The following IQSEC2 variants were observed in gnomAD, a reference collection of about 807,000 sequenced individuals.
The protein encoded by IQSEC2 is IQ motif and SEC7 domain-containing protein 2.
In IQSEC2, 6 loss-of-function variants were observed where a neutral mutation model predicts 74.6. The ratio of observed to expected loss-of-function variants is 0.08; its 90% CI spans 0.04 to 0.16. The LOEUF is 0.16. Among genes scored for constraint, IQSEC2 ranks in the 10% least tolerant of loss-of-function variants. IQSEC2 has a pLI of 1.00. For synonymous variants in IQSEC2, 494 were observed against 544.5 expected, an observed-to-expected ratio of 0.91 and a Z score of 1.29; for missense variants, 734 against 1,306.2, an observed-to-expected ratio of 0.56 and a Z score of 6.75.
Position 53,236,387 on chromosome X carries a change from T to G in IQSEC2, c.3386A>C (p.Tyr1129Ser). The change falls in exon 13 of 15, where the codon TAC (tyrosine) becomes TCC (serine). Residue 1129 changes from tyrosine (Y) to serine (S), a missense_variant. By Grantham distance (144) the Tyr-to-Ser change is moderately radical (BLOSUM62 -2). Coordinates refer to ENST00000642864, the MANE Select transcript of IQSEC2 (RefSeq NM_001111125.3). Reference sequence around the variant, plus strand: ...CCGTTTGAGCCCATCGCCTGCCCCGTAAGTGTCCTCCAGGCTACTGCGGGC... The same window carrying G: ...CCGTTTGAGCCCATCGCCTGCCCCGGAAGTGTCCTCCAGGCTACTGCGGGC... ...TMARSSLEDT[Y>S]GAGDGLKRGA... 1 of 1,208,546 alleles carries G rather than the reference T, an allele frequency of 8.3e-7. No homozygotes were observed. The highest frequency in any genetic ancestry group is 3.0e-5 in the East Asian group (1 of 33,724).
At chrX:53,248,001 TC>T in intron 7 of IQSEC2, 112 bp downstream of exon 7, 23 of 932,950 alleles carry the variant, frequency 2.5e-5, no homozygotes, top group Non-Finnish European at 6.1e-6. Flanking sequence ...GGATTTATCA[TC>T]TCTGTTTTAT....
chrX:53,298,704 G>T (rs1454546170), intron 1 of IQSEC2, among the ~76,000 whole-genome samples: 2 of 110,916 alleles, frequency 1.8e-5, no homozygotes, highest in Non-Finnish European at 3.8e-5. Context: ...TCTATTTCTG[G>T]AACTCCTATT....
chrX:53,260,961 C>T (rs1327385809), intron 2 of IQSEC2, among the ~76,000 whole-genome samples: 1 of 111,293 alleles, frequency 9.0e-6, no homozygotes, highest in Admixed American at 9.5e-5. Flanking sequence ...CCTGGCTCTG[C>T]ACTCTTTGGC....
chrX:53,254,314 G>C lies in IQSEC2; in HGVS notation c.1401+216C>G, dbSNP rs782412028. Among the ~76,000 whole-genome samples the C allele has an allele frequency of 4.8e-4, 41 of 86,072 alleles. No homozygotes were observed. The East Asian group carries it at 6.3e-3, about 13-fold the overall frequency. The allele number at this position is 86,072 out of a possible 115,157, so 74.7% of individuals were successfully genotyped here. A position where few individuals can be genotyped will look rare whatever the true frequency, so the allele number is the denominator to read the frequency against. ...CATTGCACTCCAGCCTGGGTGTCGAGAGCGAAACTCCGTCTCAAAAAAAAA... is the reference window on the plus strand; with the variant it reads ...CATTGCACTCCAGCCTGGGTGTCGACAGCGAAACTCCGTCTCAAAAAAAAA... On this transcript the variant is annotated intron_variant, in intron 4 of 14. Transcript: ENST00000642864.
chrX:53,279,980 C>G (rs782154580), intron 2 of IQSEC2, among the ~76,000 whole-genome samples: 3 of 104,983 alleles, frequency 2.9e-5, no homozygotes, highest in Non-Finnish European at 3.9e-5. Flanking sequence ...AAAAAAACCA[C>G]AAAGTCAAGA....
intron 14 of IQSEC2, among the ~76,000 whole-genome samples, chrX:53,235,401 G>T (rs1182335524): frequency 9.0e-6 from 1 of 111,674 alleles, no homozygotes; most frequent in Non-Finnish European, 1.9e-5. Context: ...GCTGGGAGAG[G>T]AGAAATTAGC....
chrX:53,279,688 C>CAG (rs781918769), intron 2 of IQSEC2: 7 of 970,343 alleles, frequency 7.2e-6, no homozygotes, highest in South Asian at 4.0e-5. Context: ...CAGAGAGAGA[C>CAG]AGAGAGAGAG....
At chrX:53,310,528 T>C (rs782103397) in intron 1 of IQSEC2, among the ~76,000 whole-genome samples, 7 of 111,640 alleles carry the variant, frequency 6.3e-5, no homozygotes, top group Admixed American at 2.8e-4. Context: ...GGGTGGAACA[T>C]AGATTCAAAT....
chrX:53,278,635 G>T (rs1156257379), intron 2 of IQSEC2, among the ~76,000 whole-genome samples: 1 of 111,593 alleles, frequency 9.0e-6, no homozygotes, highest in Non-Finnish European at 1.9e-5. Flanking sequence ...TTTAATAAAA[G>T]CAATTAAGAT....
At position 53,320,839 on chromosome X, in the gene IQSEC2, G is replaced by C. The variant is rs1317370153; in HGVS notation, c.285C>G (p.Thr95=). 1 of 1,163,988 alleles carries C rather than the reference G, an allele frequency of 8.6e-7. No individual in the cohort carries two copies. The highest frequency in any genetic ancestry group is 1.1e-6 in the Non-Finnish European group (1 of 870,931). Residue 95 remains threonine, a synonymous_variant, in exon 1 of 15, where the codon ACC becomes ACG. Coordinates refer to ENST00000642864, the MANE Select transcript of IQSEC2 (RefSeq NM_001111125.3). Reference sequence around the variant, plus strand: ...CCCGCAGCTCGCGGTGGTGGAACTGGGTCTCGCGCAGGTTCTGGTACTGGC... The same window carrying C: ...CCCGCAGCTCGCGGTGGTGGAACTGCGTCTCGCGCAGGTTCTGGTACTGGC... ...RESQYQNLRE[T]QFHHRELRES... is the part of the protein sequence containing the mutation.
chrX:53,242,214 A>T (rs1556861035), intron 9 of IQSEC2, among the ~76,000 whole-genome samples: 1 of 110,095 alleles, frequency 9.1e-6, no homozygotes, highest in African/African-American at 3.3e-5. Flanking sequence ...CGAGCGGATC[A>T]CTTGAGGTCA....
intron 1 of IQSEC2, among the ~76,000 whole-genome samples, chrX:53,316,556 C>T (rs909724612): frequency 2.7e-5 from 3 of 111,008 alleles, no homozygotes; most frequent in South Asian, 3.8e-4. Flanking sequence ...CACGTTGGGC[C>T]GGGCGTGGTG....
At chrX:53,235,621 AGACAGAGTTGAG>A (rs2074114743) in intron 14 of IQSEC2, among the ~76,000 whole-genome samples, 150 bp downstream of exon 14, 1 of 111,587 alleles carries the variant, frequency 9.0e-6, no homozygotes, top group African/African-American at 3.3e-5. Flanking sequence ...GAATGAGGAC[AGACAGAGTTGAG>A]GACAGATGGA....
intron 1 of IQSEC2, among the ~76,000 whole-genome samples, chrX:53,297,837 CCTCTCT>C (rs1434478150): frequency 5.7e-4 from 64 of 111,309 alleles, no homozygotes; most frequent in African/African-American, 2.0e-3. Context: ...GCCCTAACAA[CCTCTCT>C]CTCAGGCCAG....
chrX:53,281,960 A>G (rs1271366475), intron 2 of IQSEC2, among the ~76,000 whole-genome samples: 1 of 112,599 alleles, frequency 8.9e-6, no homozygotes, highest in African/African-American at 3.2e-5. Flanking sequence ...CCCTTCAGCC[A>G]TATTGCTACC....
At chrX:53,278,145 G>C (rs2074874033) in intron 2 of IQSEC2, among the ~76,000 whole-genome samples, 1 of 106,763 alleles carries the variant, frequency 9.4e-6, no homozygotes, top group African/African-American at 3.4e-5. Context: ...CGAGTAGCTG[G>C]GACTACAGGC....
chrX:53,234,198 C>T lies in IQSEC2; in HGVS notation c.*21G>A. Reference sequence around the variant, plus strand: ...GTGGCTCCCCAGACTTTCCTGTTCCCCAGCTCACTCTCTCCATTCATCAGA... The same window carrying T: ...GTGGCTCCCCAGACTTTCCTGTTCCTCAGCTCACTCTCTCCATTCATCAGA... On this transcript the variant is annotated 3_prime_UTR_variant, in exon 15 of 15. Coordinates refer to ENST00000642864, the MANE Select transcript of IQSEC2 (RefSeq NM_001111125.3). The T allele has an allele frequency of 2.5e-6, 2 of 816,169 alleles. No individual in the cohort carries two copies. The highest frequency in any genetic ancestry group is 6.9e-5 in the South Asian group (2 of 29,136). The allele number at this position is 816,169 out of a possible 1,213,427, so 67.3% of individuals were successfully genotyped here.
chrX:53,260,287 G>A (rs1556866234), intron 2 of IQSEC2, among the ~76,000 whole-genome samples: 1 of 111,640 alleles, frequency 9.0e-6, no homozygotes, highest in African/African-American at 3.3e-5. Context: ...CAGCGCAAAG[G>A]CCCGGAGGTA....
At chrX:53,316,831 C>G (rs1170907834) in intron 1 of IQSEC2, among the ~76,000 whole-genome samples, 1 of 73,238 alleles carries the variant, frequency 1.4e-5, no homozygotes, top group African/African-American at 4.8e-5. Flanking sequence ...AAACCAAAAC[C>G]AAAAAAAAAA....
Sources: gnomAD v4.1 joint callset for allele counts (sites outside exome capture counted in the v4.1 genomes callset) on GRCh38, gnomAD v4.1.1 for gene constraint, MANE v1.5 for transcripts, NCBI Gene and HGNC (gene_info 2026-07-23, HGNC 2026-07-21) for gene names.